Variants in FBXO34 observed in about 807,000 individuals in gnomAD.
The protein encoded by FBXO34 is F-box protein 34, also known as F-box only protein 34.
FBXO34 carries 12 observed loss-of-function variants against 24.5 expected under a neutral mutation model. That is an observed-to-expected ratio of 0.49 (90% CI 0.31 to 0.79). FBXO34 has a LOEUF of 0.79. FBXO34 is among the 30% of genes least tolerant of loss of function. The pLI is 0.04. For missense variants in FBXO34, 823 were observed against 857.7 expected (o/e 0.96, Z 0.51); for synonymous variants, 320 against 311.9 (o/e 1.03, Z -0.27).
chr14:55,378,149 C>A, the FBXO34 span: 2 of 1,288,558 alleles, frequency 1.6e-6, no homozygotes, highest in Non-Finnish European at 2.2e-6. Context: ...ATTTACAGTA[C>A]AATTAGGTAT....
At chr14:55,365,853 C>T (rs182455447), downstream of FBXO34, among the ~76,000 whole-genome samples, 296 of 152,268 alleles carry the variant, frequency 1.9e-3, 1 homozygote, top group Non-Finnish European at 3.5e-3. Flanking sequence ...AGTAGTCACT[C>T]TTGGTATCTT....
At chr14:55,387,236 ATCCCCACAGTTCCCC>A in the FBXO34 span, among the ~76,000 whole-genome samples, 1 of 152,146 alleles carries the variant, frequency 6.6e-6, no homozygotes, top group African/African-American at 2.4e-5. Context: ...ATTGGTACAT[ATCCCCACAGTTCCCC>A]TCTGCACACC....
chr14:55,401,737 G>C, the FBXO34 span, among the ~76,000 whole-genome samples: 17 of 152,200 alleles, frequency 1.1e-4, no homozygotes, highest in East Asian at 3.1e-3. Context: ...AAGGAGAAGG[G>C]TGCTCGCACA....
intron 1 of FBXO34, among the ~76,000 whole-genome samples, chr14:55,342,577 G>A (rs1227170898): frequency 2.0e-5 from 3 of 152,202 alleles, no homozygotes; most frequent in Non-Finnish European, 4.4e-5. Context: ...TGCTGTGGGA[G>A]TTGGATGCAT....
chr14:55,296,876 A>AT (rs1566544642), intron 1 of FBXO34, among the ~76,000 whole-genome samples: 1 of 149,568 alleles, frequency 6.7e-6, no homozygotes, highest in Non-Finnish European at 1.5e-5. Context: ...CTTCTAAAAA[A>AT]ATATATTTTA....
intron 1 of FBXO34, among the ~76,000 whole-genome samples, chr14:55,277,200 C>A (rs1482424356): frequency 6.6e-6 from 1 of 152,198 alleles, no homozygotes; most frequent in South Asian, 2.1e-4. Flanking sequence ...TCTACTAGTT[C>A]CTTCTGAAAC....
chr14:55,297,245 T>C (rs10142547), intron 1 of FBXO34, among the ~76,000 whole-genome samples: 84,792 of 152,008 alleles, frequency 0.56, 26,689 homozygotes, highest in African/African-American at 0.87. Context: ...GAAACCTTAC[T>C]GAGGACTCCC....
the FBXO34 span, among the ~76,000 whole-genome samples, chr14:55,381,743 G>A: frequency 2.5e-4 from 38 of 152,264 alleles, no homozygotes; most frequent in East Asian, 6.7e-3. Flanking sequence ...CAGGAGCTGA[G>A]GGGAAGGGAG....
intron 1 of FBXO34, among the ~76,000 whole-genome samples, chr14:55,323,184 CAAAAAAAAAAAAAAAA>C (rs368380622): frequency 2.5e-4 from 3 of 12,166 alleles, no homozygotes; most frequent in East Asian, 3.5e-3. Context: ...GACTCTGTCT[CAAAAAAAAAAAAAAAA>C]AAAAAAAAAA....
intron 3 of FBXO34, among the ~76,000 whole-genome samples, chr14:55,360,302 A>G (rs1389197226): frequency 6.6e-6 from 1 of 152,036 alleles, no homozygotes; most frequent in Non-Finnish European, 1.5e-5. Flanking sequence ...TGAACTCCTG[A>G]TCTCAGGTGA....
rs1045002 is a variant in FBXO34 at position 55,351,799 on chromosome 14, T to A, written c.1409T>A (p.Ile470Asn). 0.41 allele frequency: 664,792 copies of A among 1,613,894 alleles called. 139,677 individuals carry two copies. The highest frequency in any genetic ancestry group is 0.43 in the Non-Finnish European group (503,685 of 1,179,932). The change falls in exon 2 of 2, where the codon ATT becomes AAT. Residue 470 changes from isoleucine to asparagine, a missense_variant. This residue lies in a region of FBXO34 where 693 missense variants were observed against 659.1 expected (regional missense o/e 1.05). Coordinates refer to ENST00000313833, the MANE Select transcript of FBXO34 (RefSeq NM_017943.4). ...VSKVDKDQPS[I>N]LNSCEDPVPG... The stretch of plus-strand genomic sequence containing the variant: ...AAGGTAGACAAAGACCAGCCTTCCA[T>A]TTTAAACTCCTGTGAAGACCCAGTT...
At chr14:55,272,105 C>T (rs143950562) in intron 1 of FBXO34, 2 of 152,144 alleles carry the variant, frequency 1.3e-5, no homozygotes, top group African/African-American at 4.8e-5. Flanking sequence ...ACGATGAAGT[C>T]ATAGGGCTGT....
At chr14:55,329,859 T>C (rs886314906) in intron 1 of FBXO34, among the ~76,000 whole-genome samples, 2 of 152,072 alleles carry the variant, frequency 1.3e-5, no homozygotes, top group East Asian at 3.8e-4. Flanking sequence ...GTGTTTTCTT[T>C]ACCTTTTTGA....
chr14:55,312,818 A>G (rs974104748), intron 1 of FBXO34, among the ~76,000 whole-genome samples: 14 of 152,174 alleles, frequency 9.2e-5, no homozygotes, highest in African/African-American at 2.6e-4. Flanking sequence ...CCAGGAAACC[A>G]TTTTTTCCTC....
At chr14:55,359,747 C>G (rs1471924462) in intron 3 of FBXO34, among the ~76,000 whole-genome samples, 3 of 152,122 alleles carry the variant, frequency 2.0e-5, no homozygotes, top group African/African-American at 7.2e-5. Context: ...TTCAAAATCT[C>G]AAACCTCTCT....
chr14:55,289,599 G>T (rs777893278), intron 1 of FBXO34, among the ~76,000 whole-genome samples: 32 of 152,272 alleles, frequency 2.1e-4, no homozygotes, highest in Non-Finnish European at 1.5e-4. Flanking sequence ...GCAGTGGCAT[G>T]ATCACAGTTC....
chr14:55,414,491 T>C, the FBXO34 span: 2 of 1,442,556 alleles, frequency 1.4e-6, no homozygotes, highest in African/African-American at 1.5e-5. Context: ...ATTTTTAATA[T>C]AAAAATACCA....
chr14:55,335,017 A>G (rs1466387122), intron 1 of FBXO34, among the ~76,000 whole-genome samples: 1 of 152,192 alleles, frequency 6.6e-6, no homozygotes, highest in Non-Finnish European at 1.5e-5. Context: ...GCCTTTTCAA[A>G]CTGGGTTTCC....
intron 1 of FBXO34, among the ~76,000 whole-genome samples, chr14:55,306,476 G>T (rs1291881964): frequency 6.6e-6 from 1 of 152,204 alleles, no homozygotes; most frequent in Admixed American, 6.5e-5. Context: ...CCAGTATCCA[G>T]TGCATATATT....
Sources: gnomAD v4.1 joint callset for allele counts (sites outside exome capture counted in the v4.1 genomes callset) on GRCh38, gnomAD v4.1.1 for gene constraint, gnomAD v4.1.1 regional missense constraint, MANE v1.5 for transcripts, NCBI Gene and HGNC (gene_info 2026-07-23, HGNC 2026-07-21) for gene names.